Variants in DHRSX observed in about 807,000 individuals in gnomAD.
DHRSX encodes dehydrogenase/reductase X-linked.
DHRSX carries 31 observed loss-of-function variants against 34.0 expected under a neutral mutation model. The ratio of observed to expected loss-of-function variants is 0.91; its 90% CI spans 0.69 to 1.23. The LOEUF is 1.23. Among genes scored for constraint, DHRSX ranks in the 50% most tolerant of loss-of-function variants. DHRSX has a pLI of 0.00. For synonymous variants in DHRSX, 201 were observed against 183.8 expected (o/e 1.09, Z -0.76); for missense variants, 414 against 428.1 (o/e 0.97, Z 0.29).
chrX:2,464,250 A>G (rs1057218350), intron 1 of DHRSX, among the ~76,000 whole-genome samples: 1 of 150,842 alleles, frequency 6.6e-6, no homozygotes, highest in African/African-American at 2.4e-5. Context: ...GGCCCAAGGG[A>G]CCATTGCCCT....
chrX:2,407,170 A>G (rs908463867), intron 3 of DHRSX, among the ~76,000 whole-genome samples: 1 of 152,214 alleles, frequency 6.6e-6, no homozygotes, highest in Admixed American at 6.5e-5. Context: ...AGAAACCGAA[A>G]GTCAAATACC....
At chrX:2,294,594 G>C (rs2041907128) in intron 3 of DHRSX, among the ~76,000 whole-genome samples, 1 of 151,866 alleles carries the variant, frequency 6.6e-6, no homozygotes, top group Admixed American at 6.6e-5. Flanking sequence ...GAACCTGGGA[G>C]GTGGAGGTTG....
At chrX:2,332,276 C>G in intron 3 of DHRSX, among the ~76,000 whole-genome samples, 1 of 152,242 alleles carries the variant, frequency 6.6e-6, no homozygotes, top group Non-Finnish European at 1.5e-5. Flanking sequence ...TCCTGTGAAG[C>G]TCAAGGGTGT....
intron 3 of DHRSX, among the ~76,000 whole-genome samples, chrX:2,325,702 G>A (rs1411543905): frequency 6.6e-6 from 1 of 152,134 alleles, no homozygotes; most frequent in African/African-American, 2.4e-5. Context: ...TGTGGGCTAT[G>A]TAAATGCCAT....
chrX:2,438,326 C>CACACACAT (rs999665977), intron 1 of DHRSX, among the ~76,000 whole-genome samples: 21 of 150,306 alleles, frequency 1.4e-4, no homozygotes, highest in Non-Finnish European at 2.8e-4. Context: ...CACACACACA[C>CACACACAT]ATATATATGC....
intron 1 of DHRSX, among the ~76,000 whole-genome samples, chrX:2,450,306 T>A (rs997163083): frequency 6.6e-6 from 1 of 152,116 alleles, no homozygotes; most frequent in Admixed American, 6.6e-5. Flanking sequence ...AAGAGCAATA[T>A]TATTTCTTGA....
At chrX:2,486,291 C>G (rs2044926251) in intron 1 of DHRSX, 1 of 151,718 alleles carries the variant, frequency 6.6e-6, no homozygotes, top group South Asian at 2.1e-4. Context: ...CCGTGGGTGC[C>G]CTGGAAAAAG....
At chrX:2,401,115 T>A (rs1419634891) in intron 3 of DHRSX, among the ~76,000 whole-genome samples, 13 of 151,752 alleles carry the variant, frequency 8.6e-5, no homozygotes, top group Admixed American at 2.0e-4. Flanking sequence ...AAGCTTTTTT[T>A]TTTTTTTTTT....
intron 2 of DHRSX, among the ~76,000 whole-genome samples, chrX:2,421,497 C>T (rs185929215): frequency 3.3e-5 from 5 of 152,326 alleles, no homozygotes; most frequent in Admixed American, 6.5e-5. Flanking sequence ...GAGCCATGTG[C>T]GCTGACATGG....
chrX:2,351,432 C>A (rs901306002), intron 3 of DHRSX, among the ~76,000 whole-genome samples: 2 of 152,182 alleles, frequency 1.3e-5, no homozygotes, highest in African/African-American at 4.8e-5. Flanking sequence ...AGCTCTGGCA[C>A]TTGTCAGCCT....
intron 3 of DHRSX, among the ~76,000 whole-genome samples, chrX:2,365,296 C>A (rs192053783): frequency 6.6e-6 from 1 of 152,188 alleles, no homozygotes; most frequent in Admixed American, 6.6e-5. Flanking sequence ...GCCACCACCA[C>A]GCCTGGCTGA....
chrX:2,450,164 AT>A (rs2044196938), intron 1 of DHRSX, among the ~76,000 whole-genome samples: 1 of 152,036 alleles, frequency 6.6e-6, no homozygotes. Context: ...AAATAAATAA[AT>A]AAATAAAACA....
intron 3 of DHRSX, among the ~76,000 whole-genome samples, chrX:2,347,275 C>A (rs1421600919): frequency 2.0e-5 from 3 of 152,142 alleles, no homozygotes; most frequent in Non-Finnish European, 4.4e-5. Flanking sequence ...CAGGAAACTC[C>A]CCTTTATAAT....
At chrX:2,476,650 G>A (rs1297235504) in intron 1 of DHRSX, among the ~76,000 whole-genome samples, 2 of 152,066 alleles carry the variant, frequency 1.3e-5, no homozygotes, top group Admixed American at 6.6e-5. Flanking sequence ...ACAACGCCAC[G>A]TAGACTGGAT....
intron 1 of DHRSX, among the ~76,000 whole-genome samples, chrX:2,493,873 G>A (rs959282095): frequency 2.6e-5 from 4 of 152,126 alleles, no homozygotes; most frequent in Non-Finnish European, 5.9e-5. Context: ...TCGGGAGGCT[G>A]AGGCACGAGA....
intron 1 of DHRSX, among the ~76,000 whole-genome samples, chrX:2,475,459 C>T (rs1336858719): frequency 6.6e-6 from 1 of 151,378 alleles, no homozygotes; most frequent in Non-Finnish European, 1.5e-5. Flanking sequence ...AAGGGACCGC[C>T]GCCCTGTGCA....
intron 3 of DHRSX, among the ~76,000 whole-genome samples, chrX:2,387,913 A>AAAAAAAAC (rs1556501383): frequency 2.0e-5 from 3 of 150,974 alleles, no homozygotes; most frequent in African/African-American, 7.3e-5. Flanking sequence ...GCAAAAAAAA[A>AAAAAAAAC]AAAAAAAAAA....
At chrX:2,334,259 G>GT (rs1307585538) in intron 3 of DHRSX, 1 of 144,822 alleles carries the variant, frequency 6.9e-6, no homozygotes, top group East Asian at 2.0e-4. Flanking sequence ...CACCTCCTAG[G>GT]TTCAAGTGAT....
At chrX:2,295,423 T>TG (rs756847642) in intron 3 of DHRSX, among the ~76,000 whole-genome samples, 23,857 of 151,668 alleles carry the variant, frequency 0.16, 2,367 homozygotes, top group Non-Finnish European at 0.23. Flanking sequence ...CAGGGCTTGC[T>TG]GGGGGGTGGA....
Sources: allele counts gnomAD v4.1 joint callset (sites outside exome capture counted in the v4.1 genomes callset), GRCh38; gene constraint gnomAD v4.1.1; transcripts MANE v1.5; gene names NCBI Gene and HGNC (gene_info 2026-07-23, HGNC 2026-07-21).